Variants in SLC37A2 observed in about 807,000 individuals in gnomAD.
SLC37A2 encodes glucose-6-phosphate exchanger SLC37A2.
SLC37A2 carries 59 observed loss-of-function variants against 70.7 expected under a neutral mutation model. The ratio of observed to expected loss-of-function variants is 0.83; its 90% CI spans 0.68 to 1.04. The LOEUF (loss-of-function observed/expected upper bound fraction) is 1.04. SLC37A2 is among the 50% of genes least tolerant of loss of function. The pLI, the probability that SLC37A2 is intolerant of heterozygous loss-of-function variation, is 0.00. For missense variants in SLC37A2, 580 were observed against 658.1 expected, an observed-to-expected ratio of 0.88 and a Z score of 1.30; for synonymous variants, 257 against 262.1, an observed-to-expected ratio of 0.98 and a Z score of 0.19.
At chr11:125,069,513 A>C (rs1034633822) in intron 1 of SLC37A2, among the ~76,000 whole-genome samples, 3 of 152,248 alleles carry the variant, frequency 2.0e-5, no homozygotes, top group Non-Finnish European at 2.9e-5. Flanking sequence ...CCCAGTGTCT[A>C]GCGTAGTTGG....
chr11:125,075,478 G>A (rs559331523), intron 1 of SLC37A2, among the ~76,000 whole-genome samples: 1 of 152,338 alleles, frequency 6.6e-6, no homozygotes, highest in Non-Finnish European at 1.5e-5. Context: ...GGCCAGAGAG[G>A]CCGGGGCGTG....
Position 125,079,682 on chromosome 11 carries a change from A to T in SLC37A2, c.451-2A>T. On this transcript the variant is annotated splice_acceptor_variant, in intron 5 of 17. Coordinates refer to ENST00000403796, the MANE Select transcript of SLC37A2 (RefSeq NM_001145290.2). LOFTEE classifies it high-confidence loss of function. ...CCCACCCTCCCTTCTCTCTCCCTGC[A>T]GGTCTGTAATGGACTCGTCCAGACC... 1 of 1,597,718 alleles carries T rather than the reference A, an allele frequency of 6.3e-7. No individual in the cohort carries two copies. The highest frequency in any genetic ancestry group is 1.1e-5 in the South Asian group (1 of 88,082).
intron 1 of SLC37A2, among the ~76,000 whole-genome samples, chr11:125,071,377 G>T (rs1442228660): frequency 6.6e-6 from 1 of 152,196 alleles, no homozygotes; most frequent in African/African-American, 2.4e-5. Flanking sequence ...CACCCTCCCT[G>T]TTATTCCGGC....
chr11:125,083,888 G>A lies in SLC37A2; in HGVS notation c.1039+11G>A. 6.2e-7 allele frequency: 1 copy of A among 1,613,408 alleles called. No individual in the cohort carries two copies. The highest frequency in any genetic ancestry group is 8.5e-7 in the Non-Finnish European group (1 of 1,179,336). On this transcript the variant is annotated intron_variant, in intron 11 of 17. Coordinates refer to ENST00000403796, the MANE Select transcript of SLC37A2 (RefSeq NM_001145290.2). This position sits in a 1 kb window ranked among gnomAD's most constrained non-coding sequence, Gnocchi z 4.6. Reference sequence around the variant, plus strand: ...TTGGTGGCATCATAGGTGAGGCCTTGCCCTGCTCTGCCAGCAGGCTCCCTT... The same window carrying A: ...TTGGTGGCATCATAGGTGAGGCCTTACCCTGCTCTGCCAGCAGGCTCCCTT...
chr11:125,078,966 G>T, intron 4 of SLC37A2, 146 bp from the exon 5 acceptor site: 1 of 936,374 alleles, frequency 1.1e-6, no homozygotes. Context: ...GGGGGACAGA[G>T]GTTGGCCCCG....
At chr11:125,075,972 C>G (rs186471095) in intron 1 of SLC37A2, among the ~76,000 whole-genome samples, 1 of 152,086 alleles carries the variant, frequency 6.6e-6, no homozygotes, top group Non-Finnish European at 1.5e-5. Flanking sequence ...CTCCTGGCTG[C>G]GGCGAGGAAG....
chr11:125,084,432 T>A, intron 12 of SLC37A2, 113 bp downstream of exon 12: 1 of 1,081,070 alleles, frequency 9.3e-7, no homozygotes, highest in South Asian at 1.3e-5. Context: ...TGTGTACGCG[T>A]GCACATGCAT....
chr11:125,069,606 G>C (rs1949010266), intron 1 of SLC37A2, among the ~76,000 whole-genome samples: 1 of 152,228 alleles, frequency 6.6e-6, no homozygotes, highest in African/African-American at 2.4e-5. Context: ...ACTTGGATCT[G>C]GAGGTGTTCT....
intron 10 of SLC37A2, among the ~76,000 whole-genome samples, chr11:125,082,722 G>A (rs1949163698): frequency 6.6e-6 from 1 of 152,080 alleles, no homozygotes; most frequent in Non-Finnish European, 1.5e-5. Flanking sequence ...CTCTCCCCCA[G>A]CCCAAGGAAG....
At position 125,077,486 on chromosome 11, in the gene SLC37A2, A is replaced by G; in HGVS notation, c.272A>G (p.Asp91Gly). 6.2e-7 allele frequency: 1 copy of G among 1,613,992 alleles called. No homozygotes were observed. Among genetic ancestry groups the G allele is most frequent in the Non-Finnish European group, 8.5e-7 (1 of 1,179,940 alleles). ...TATAAGGAGTTACTAGGGGGCGTGG[A>G]CAACGCCTTCCTCATCGCCTATGCC... The part of the protein sequence containing the change: ...DNYKELLGGV[D>G]NAFLIAYAIG... The change falls in exon 4 of 18, where the codon GAC becomes GGC. Residue 91 changes from aspartate to glycine, a missense_variant. Physicochemically the swap from Asp to Gly is moderately conservative, Grantham distance 94. Transcript: ENST00000403796.
At chr11:125,067,337 G>A (rs969914670) in intron 1 of SLC37A2, among the ~76,000 whole-genome samples, 1 of 152,118 alleles carries the variant, frequency 6.6e-6, no homozygotes, top group Admixed American at 6.5e-5. Flanking sequence ...CTAGTAACAC[G>A]TATACTGTTG....
rs765473983 is a variant in SLC37A2 at position 125,083,751 on chromosome 11, C to T, written c.977-64C>T. Reference sequence around the variant, plus strand: ...GGATCACGCTCTGCAGGGCTTCTAGCTGTGACACTCCAGGATGTTTGCCCC... The same window carrying T: ...GGATCACGCTCTGCAGGGCTTCTAGTTGTGACACTCCAGGATGTTTGCCCC... On this transcript the variant is annotated intron_variant, in intron 10 of 17. Transcript: ENST00000403796. The surrounding 1 kb of genome is among the most constrained non-coding windows in gnomAD (Gnocchi z 4.6). The T allele has an allele frequency of 4.9e-6, 7 of 1,419,944 alleles. No individual in the cohort carries two copies. Among genetic ancestry groups the T allele is most frequent in the Non-Finnish European group, 7.0e-6 (7 of 1,003,306 alleles). 88.0% of individuals were successfully genotyped at this position (1,419,944 alleles called of 1,614,324 possible).
At position 125,063,373 on chromosome 11, in the gene SLC37A2, G is replaced by A; in HGVS notation, c.6G>A (p.Arg2=). The part of the protein sequence containing the change: M[R]SSLAPGVWFF... The stretch of plus-strand genomic sequence containing the variant: ...TTAGGTACCGGTCAGGCAAAATGCG[G>A]TCCTCCCTGGCTCCGGGAGTCTGGT... The change falls in exon 1 of 18, where the codon CGG becomes CGA. Residue 2 remains arginine, a synonymous_variant. Coordinates refer to ENST00000403796, the MANE Select transcript of SLC37A2 (RefSeq NM_001145290.2). The surrounding 1 kb of genome is among the most constrained non-coding windows in gnomAD (Gnocchi z 5.4). The A allele has an allele frequency of 1.9e-6, 3 of 1,611,764 alleles. No homozygotes were observed. The highest frequency in any genetic ancestry group is 2.5e-6 in the Non-Finnish European group (3 of 1,179,150).
rs367653559 is a variant in SLC37A2, at chr11:125,082,277, G to T, written c.919G>T (p.Ala307Ser). The change falls in exon 10 of 18, where the codon GCC becomes TCC. Residue 307 changes from alanine (A) to serine (S), a missense_variant. By Grantham distance (99) the Ala-to-Ser change is moderately conservative. Transcript: ENST00000403796. ...VVEFSLCLLF[A>S]KLVSYTFLYW... The stretch of plus-strand genomic sequence containing the variant: ...CGAGTTCTCTCTGTGTCTGCTGTTT[G>T]CCAAGCTGGTCAGTTACACCTTCCT... 26 of 1,613,992 alleles carry T rather than the reference G, an allele frequency of 1.6e-5. No homozygotes were observed. Among genetic ancestry groups the T allele is most frequent in the Non-Finnish European group, 2.1e-5 (25 of 1,179,936 alleles).
At chr11:125,072,108 G>C (rs144207865) in intron 1 of SLC37A2, among the ~76,000 whole-genome samples, 96 of 152,200 alleles carry the variant, frequency 6.3e-4, no homozygotes, top group African/African-American at 2.1e-3. Context: ...CTGCTGGGCT[G>C]TTTCTTGTTT....
chr11:125,081,272 T>G (rs1949143830), intron 7 of SLC37A2, 149 bp from the exon 8 acceptor site: 1 of 738,622 alleles, frequency 1.4e-6, no homozygotes, highest in Admixed American at 2.6e-5. Flanking sequence ...TCCCTCCTGC[T>G]GGGACACACA....
intron 1 of SLC37A2, among the ~76,000 whole-genome samples, chr11:125,065,796 C>T (rs991572992): frequency 6.6e-6 from 1 of 152,130 alleles, no homozygotes; most frequent in Non-Finnish European, 1.5e-5. Flanking sequence ...AACCATACTT[C>T]CATGAAAAGC....
intron 5 of SLC37A2, 122 bp downstream of exon 5, chr11:125,079,369 C>A: frequency 7.8e-7 from 1 of 1,287,450 alleles, no homozygotes; most frequent in Non-Finnish European, 1.1e-6. Context: ...CTCTATTACA[C>A]TGCACTGAGT....
rs1949246192 is a variant in SLC37A2 at position 125,088,346 on chromosome 11, G to C, written c.*212G>C. On this transcript the variant is annotated 3_prime_UTR_variant, in exon 18 of 18. Transcript: ENST00000403796. Reference sequence around the variant, plus strand: ...GCATGAGGAAATAGAAGATTCAGGGGCCTGAGCTCTGGAAGCTGCAAGCAA... The same window carrying C: ...GCATGAGGAAATAGAAGATTCAGGGCCCTGAGCTCTGGAAGCTGCAAGCAA... 5.0e-6 allele frequency: 3 copies of C among 597,994 alleles called. No homozygotes were observed. In the Admixed American group the frequency reaches 9.0e-5, roughly 18 times the overall value. 37.0% of individuals were successfully genotyped at this position (597,994 alleles called of 1,614,324 possible). A position where few individuals can be genotyped will look rare whatever the true frequency, so the allele number is the denominator to read the frequency against.
Sources: gnomAD v4.1 joint callset for allele counts (sites outside exome capture counted in the v4.1 genomes callset) on GRCh38, gnomAD v4.1.1 for gene constraint, Gnocchi (gnomAD v3.1) non-coding constraint, MANE v1.5 for transcripts, NCBI Gene and HGNC (gene_info 2026-07-23, HGNC 2026-07-21) for gene names.